Variants in WDR64 observed in about 807,000 individuals in gnomAD.
The protein encoded by WDR64 is WD repeat domain 64, also known as WD repeat-containing protein 64.
A neutral mutation model predicts 139.3 loss-of-function variants in WDR64; 112 were observed. The observed-to-expected ratio is 0.80, with a 90% CI of 0.69 to 0.94. The LOEUF (loss-of-function observed/expected upper bound fraction) is 0.94. Ranked by LOEUF, WDR64 falls within the 40% of genes least tolerant of loss-of-function variation. The pLI is 0.00. For synonymous variants in WDR64, 444 were observed against 437.7 expected (o/e 1.01, Z -0.18); for missense variants, 1,206 against 1,293.1 (o/e 0.93, Z 1.03).
chr1:241,661,465 G>C (rs1665829294), intron 2 of WDR64, among the ~76,000 whole-genome samples: 2 of 151,862 alleles, frequency 1.3e-5, no homozygotes, highest in Admixed American at 6.6e-5. Context: ...AATGAAAAAA[G>C]TTTCTACAAA....
chr1:241,761,957 T>C (rs888632092), intron 15 of WDR64, among the ~76,000 whole-genome samples: 8 of 152,222 alleles, frequency 5.3e-5, no homozygotes, highest in African/African-American at 1.2e-4. Flanking sequence ...CCAAATATCT[T>C]TGAGGGTTAG....
Position 241,775,167 on chromosome 1 carries a change from G to C in WDR64, c.2493G>C (p.Leu831=). 9 of 1,551,008 alleles carry C rather than the reference G, an allele frequency of 5.8e-6. No individual in the cohort carries two copies. The highest frequency in any genetic ancestry group is 7.8e-6 in the Non-Finnish European group (9 of 1,146,862). Residue 831 remains leucine (L), a synonymous_variant, in exon 21 of 28, where the codon CTG becomes CTC. Coordinates refer to ENST00000437684, the MANE Select transcript of WDR64 (RefSeq NM_001367482.1). The part of the protein sequence containing the change: ...TKHSAISLTS[L]YTDSCTRILL... Reference sequence around the variant, plus strand: ...ATTCTGCCATTTCTCTGACATCGCTGTATACTGATTCATGTACGAGGATAC... The same window carrying C: ...ATTCTGCCATTTCTCTGACATCGCTCTATACTGATTCATGTACGAGGATAC...
intron 6 of WDR64, among the ~76,000 whole-genome samples, chr1:241,681,773 A>G (rs1160281938): frequency 6.6e-6 from 1 of 152,100 alleles, no homozygotes; most frequent in Non-Finnish European, 1.5e-5. Context: ...CACTGCATCC[A>G]CACCAACGTC....
intron 17 of WDR64, 96 bp from the exon 18 acceptor site, chr1:241,770,525 A>C (rs1184244308): frequency 3.7e-6 from 4 of 1,072,746 alleles, no homozygotes; most frequent in African/African-American, 1.6e-5. Flanking sequence ...ATGATGAAAG[A>C]AGCAATCAGC....
intron 8 of WDR64, among the ~76,000 whole-genome samples, chr1:241,699,729 T>C (rs1667636957): frequency 6.6e-6 from 1 of 151,938 alleles, no homozygotes; most frequent in African/African-American, 2.4e-5. Context: ...CACAAAGATA[T>C]GGAAGAGAAA....
At chr1:241,773,674 G>C (rs1260890779) in intron 20 of WDR64, among the ~76,000 whole-genome samples, 1 of 152,058 alleles carries the variant, frequency 6.6e-6, no homozygotes, top group East Asian at 1.9e-4. Context: ...CACCATGTTG[G>C]CCAGGCTGGT....
chr1:241,785,750 CG>C (rs1372969773), intron 23 of WDR64, among the ~76,000 whole-genome samples: 5 of 152,302 alleles, frequency 3.3e-5, no homozygotes, highest in African/African-American at 1.2e-4. Context: ...GCAGTTTCAA[CG>C]TTCTAAATCT....
At chr1:241,781,948 AG>A (rs1283086492) in intron 22 of WDR64, among the ~76,000 whole-genome samples, 1 of 152,258 alleles carries the variant, frequency 6.6e-6, no homozygotes, top group Non-Finnish European at 1.5e-5. Flanking sequence ...CCTAAGGCAG[AG>A]AAAGAAACCT....
intron 20 of WDR64, among the ~76,000 whole-genome samples, chr1:241,773,656 C>T (rs554490192): frequency 5.3e-5 from 8 of 152,152 alleles, no homozygotes; most frequent in East Asian, 1.9e-4. Context: ...TTAGTAGAGA[C>T]GGGGTTTCAC....
intron 2 of WDR64, among the ~76,000 whole-genome samples, chr1:241,666,057 T>G (rs1666014027): frequency 6.6e-6 from 1 of 152,156 alleles, no homozygotes; most frequent in South Asian, 2.1e-4. Flanking sequence ...ATGTTCCTTA[T>G]ATAATCAGAT....
At chr1:241,794,058 G>A (rs1489231702) in intron 25 of WDR64, among the ~76,000 whole-genome samples, 1 of 151,952 alleles carries the variant, frequency 6.6e-6, no homozygotes, top group Non-Finnish European at 1.5e-5. Flanking sequence ...GCAGGCGCCT[G>A]TAATCCCAGC....
intron 23 of WDR64, 78 bp downstream of exon 23, chr1:241,783,459 T>C: frequency 1.8e-6 from 2 of 1,093,536 alleles, no homozygotes; most frequent in South Asian, 2.9e-5. Context: ...AAAGTTGAAG[T>C]ATATAGTTCA....
intron 14 of WDR64, among the ~76,000 whole-genome samples, chr1:241,756,259 C>T (rs917325496): frequency 2.6e-5 from 4 of 152,080 alleles, no homozygotes; most frequent in Admixed American, 6.6e-5. Flanking sequence ...TATAGTTCTC[C>T]TTGAAGAGGT....
intron 10 of WDR64, among the ~76,000 whole-genome samples, chr1:241,733,229 C>A (rs1669161617): frequency 6.6e-6 from 1 of 152,178 alleles, no homozygotes; most frequent in African/African-American, 2.4e-5. Context: ...AATCCCAGCA[C>A]TTTGGGGGGC....
chr1:241,708,097 G>C (rs1422883491), intron 8 of WDR64, among the ~76,000 whole-genome samples: 3 of 152,126 alleles, frequency 2.0e-5, no homozygotes. Context: ...ACTGTATCAG[G>C]AGACAGCCCA....
rs374394999 is a variant in WDR64, at chr1:241,713,112, G to A, written c.1054+1231G>A. Among the ~76,000 whole-genome samples, 879 of 151,734 alleles carry A rather than the reference G, an allele frequency of 5.8e-3. 12 individuals carry two copies. Among genetic ancestry groups the A allele is most frequent in the African/African-American group, 0.017 (713 of 41,238 alleles). ...GCTTGAGCCCAGGAGCTCAAGACTAGCCTGGGCAATACAGTAAGACCTTGT... is the reference window on the plus strand; with the variant it reads ...GCTTGAGCCCAGGAGCTCAAGACTAACCTGGGCAATACAGTAAGACCTTGT... On this transcript the variant is annotated intron_variant, in intron 9 of 27. Transcript: ENST00000437684.
chr1:241,657,410 T>C (rs999386258), intron 1 of WDR64, among the ~76,000 whole-genome samples: 1 of 152,112 alleles, frequency 6.6e-6, no homozygotes, highest in African/African-American at 2.4e-5. Flanking sequence ...TAAAATAAAA[T>C]ACCCGCTTCT....
chr1:241,659,723 G>T (rs112666027), intron 1 of WDR64, among the ~76,000 whole-genome samples: 1 of 152,064 alleles, frequency 6.6e-6, no homozygotes, highest in African/African-American at 2.4e-5. Flanking sequence ...AGAAGTGTTC[G>T]TTCATGTCCT....
intron 25 of WDR64, among the ~76,000 whole-genome samples, chr1:241,794,506 T>TTTC (rs1232022562): frequency 7.4e-6 from 1 of 135,626 alleles, no homozygotes; most frequent in African/African-American, 2.8e-5. Flanking sequence ...GCTTTACTGT[T>TTTC]TTTTTTTTTT....
Sources: gnomAD v4.1 joint callset for allele counts (sites outside exome capture counted in the v4.1 genomes callset) on GRCh38, gnomAD v4.1.1 for gene constraint, MANE v1.5 for transcripts, NCBI Gene and HGNC (gene_info 2026-07-23, HGNC 2026-07-21) for gene names.